Variants in CKM observed in about 807,000 individuals in gnomAD.
CKM encodes creatine kinase M-type.
In CKM, 28 loss-of-function variants were observed where a neutral mutation model predicts 35.4. The observed-to-expected ratio is 0.79, with a 90% CI of 0.59 to 1.08. CKM has a LOEUF of 1.08. Among genes scored for constraint, CKM ranks in the 50% least tolerant of loss-of-function variants. CKM has a pLI of 0.00. For synonymous variants in CKM, 215 were observed against 204.4 expected (o/e 1.05, Z -0.44); for missense variants, 484 against 509.8 (o/e 0.95, Z 0.49).
chr19:45,311,257 ACAGT>A (rs2123134823), intron 5 of CKM, among the ~76,000 whole-genome samples: 2 of 142,680 alleles, frequency 1.4e-5, no homozygotes, highest in South Asian at 4.5e-4. Context: ...TTTTTTTGAG[ACAGT>A]CTGGCTCTGT....
In CKM at chr19:45,306,929, C is replaced by T; in HGVS notation, c.968-1G>A. Reference sequence around the variant, plus strand: ...CCCACGGCAGCTGTGTCCACGCCACCTGTGGGAGCAAGGGACAGGGGCGTG... The same window carrying T: ...CCCACGGCAGCTGTGTCCACGCCACTTGTGGGAGCAAGGGACAGGGGCGTG... On this transcript the variant is annotated splice_acceptor_variant, in intron 7 of 7. Coordinates refer to ENST00000221476, the MANE Select transcript of CKM (RefSeq NM_001824.5). LOFTEE classifies it high-confidence loss of function. This position sits in a 1 kb window ranked among gnomAD's most constrained non-coding sequence, Gnocchi z 4.5. 6.2e-7 allele frequency: 1 copy of T among 1,613,628 alleles called. No individual in the cohort carries two copies. The highest frequency in any genetic ancestry group is 1.1e-5 in the South Asian group (1 of 91,088).
chr19:45,311,107 G>A (rs1440738796), intron 5 of CKM, among the ~76,000 whole-genome samples: 1 of 146,680 alleles, frequency 6.8e-6, no homozygotes, highest in Non-Finnish European at 1.5e-5. Flanking sequence ...TTGTAGCGAC[G>A]TGGTCTCCCT....
At position 45,319,651 on chromosome 19, in the gene CKM, G is replaced by A. The variant is rs138224618; in HGVS notation, c.63C>T (p.Pro21=). The A allele has an allele frequency of 2.5e-3, 3,983 of 1,614,190 alleles. 5 individuals carry two copies. Among genetic ancestry groups the A allele is most frequent in the Non-Finnish European group, 3.2e-3 (3,806 of 1,180,020 alleles). The part of the protein sequence containing the change: ...KLNYKPEEEY[P]DLSKHNNHMA... ...TGTGGTTGTTATGTTTGCTGAGGTC[G>A]GGGTACTCCTCCTCAGGCTTGTAAT... is the stretch of plus-strand genomic sequence containing the variant. The change falls in exon 2 of 8, where the codon CCC becomes CCT. Residue 21 remains proline (P), a synonymous_variant. Coordinates refer to ENST00000221476, the MANE Select transcript of CKM (RefSeq NM_001824.5).
At chr19:45,310,326 T>C (rs960897313) in intron 5 of CKM, among the ~76,000 whole-genome samples, 3 of 152,030 alleles carry the variant, frequency 2.0e-5, no homozygotes, top group Admixed American at 2.0e-4. Context: ...TTCACCATGT[T>C]AGCCAGGATG....
intron 3 of CKM, 68 bp downstream of exon 3, chr19:45,317,756 TC>T: frequency 6.6e-7 from 1 of 1,516,520 alleles, no homozygotes; most frequent in Non-Finnish European, 9.1e-7. Context: ...TTTCTCTGTC[TC>T]CCCCCATTTC....
In CKM at chr19:45,306,557, T is replaced by C. The variant is rs1027992948; in HGVS notation, c.*193A>G. On this transcript the variant is annotated 3_prime_UTR_variant, in exon 8 of 8. Coordinates refer to ENST00000221476, the MANE Select transcript of CKM (RefSeq NM_001824.5). This position sits in a 1 kb window ranked among gnomAD's most constrained non-coding sequence, Gnocchi z 4.5. ...AGGACCCTGCCAGGGAGATATTTCA[T>C]TGGCCAGAATCCAGAGGATGGAGCC... 1.9e-5 allele frequency: 12 copies of C among 621,426 alleles called. No homozygotes were observed. Among genetic ancestry groups the C allele is most frequent in the African/African-American group, 9.2e-5 (5 of 54,454 alleles). The allele number at this position is 621,426 out of a possible 1,614,324, so 38.5% of individuals were successfully genotyped here. A position where few individuals can be genotyped will look rare whatever the true frequency, so the allele number is the denominator to read the frequency against.
At chr19:45,318,855 G>A (rs772335053) in intron 2 of CKM, among the ~76,000 whole-genome samples, 1 of 149,386 alleles carries the variant, frequency 6.7e-6, no homozygotes, top group African/African-American at 2.5e-5. Flanking sequence ...AACATCCCCT[G>A]TCAGATTCTT....
At position 45,317,936 on chromosome 19, in the gene CKM, C is replaced by T; in HGVS notation, c.237G>A (p.Glu79=). 2 of 1,613,966 alleles carry T rather than the reference C, an allele frequency of 1.2e-6. No homozygotes were observed. Among genetic ancestry groups the T allele is most frequent in the Non-Finnish European group, 1.7e-6 (2 of 1,179,960 alleles). The stretch of plus-strand genomic sequence containing the variant: ...GTTCCTTGAAAACTTCGTAGGACTC[C>T]TCATCACCAGCCACGCAGCCCACGG... ...IMTVGCVAGD[E]ESYEVFKELF... The change falls in exon 3 of 8, where the codon GAG becomes GAA. Residue 79 remains glutamate (E), a synonymous_variant. Transcript: ENST00000221476.
At chr19:45,310,759 CTTTTTTTTTTTTTTTTTTTT>C (rs3047558) in intron 5 of CKM, among the ~76,000 whole-genome samples, 1 of 50,264 alleles carries the variant, frequency 2.0e-5, no homozygotes, top group Non-Finnish European at 3.5e-5. Flanking sequence ...TCACGCCTGG[CTTTTTTTTTTTTTTTTTTTT>C]TTTTTTTTTT....
At chr19:45,310,834 G>C (rs1456269115) in intron 5 of CKM, among the ~76,000 whole-genome samples, 1 of 123,718 alleles carries the variant, frequency 8.1e-6, no homozygotes, top group Non-Finnish European at 1.6e-5. Flanking sequence ...GCAGTGGCAC[G>C]ATCTCAGCTC....
At position 45,307,457 on chromosome 19, in the gene CKM, G is replaced by C; in HGVS notation, c.967+4C>G. On this transcript the variant is annotated splice_donor_region_variant and intron_variant, in intron 7 of 7. Coordinates refer to ENST00000221476, the MANE Select transcript of CKM (RefSeq NM_001824.5). ...TCGTGGTGCAAAGGATGTGGGAGCC[G>C]TACCTGTACCCCTCTTCTGCAGACG... The C allele has an allele frequency of 1.9e-6, 3 of 1,613,448 alleles. No individual in the cohort carries two copies. Among genetic ancestry groups the C allele is most frequent in the Non-Finnish European group, 2.5e-6 (3 of 1,179,620 alleles).
intron 5 of CKM, among the ~76,000 whole-genome samples, chr19:45,309,346 G>A (rs1163427307): frequency 6.6e-6 from 1 of 151,352 alleles, no homozygotes; most frequent in African/African-American, 2.4e-5. Flanking sequence ...CTTGAGCCCA[G>A]GAGTTCAAGA....
At chr19:45,314,620 G>A (rs1444292352) in intron 4 of CKM, among the ~76,000 whole-genome samples, 2 of 151,746 alleles carry the variant, frequency 1.3e-5, no homozygotes, top group Non-Finnish European at 2.9e-5. Flanking sequence ...TACCATGTTG[G>A]CCAGGCTGGT....
chr19:45,307,007 A>G, intron 7 of CKM, 79 bp from the exon 8 acceptor site: 1 of 1,436,756 alleles, frequency 7.0e-7, no homozygotes, highest in Non-Finnish European at 9.7e-7. Flanking sequence ...TGCCAAATGC[A>G]ACAGCCGCAT....
chr19:45,307,610 C>A lies in CKM; in HGVS notation c.818G>T (p.Trp273Leu). The stretch of plus-strand genomic sequence containing the variant: ...GAGCACGTAGCCCAGGTGCTGGTTC[C>A]ACATGAAGGGGTGGCCAGCTTTCTT... ...IFKKAGHPFM[W>L]NQHLGYVLTC... Residue 273 changes from tryptophan to leucine, a missense_variant, in exon 7 of 8, where the codon TGG (tryptophan) becomes TTG (leucine). Trp to Leu is a moderately conservative substitution (Grantham distance 61, BLOSUM62 -2). Transcript: ENST00000221476. 1 of 1,614,152 alleles carries A rather than the reference C, an allele frequency of 6.2e-7. No individual in the cohort carries two copies. The highest frequency in any genetic ancestry group is 1.1e-5 in the South Asian group (1 of 91,078).
Position 45,307,482 on chromosome 19 carries a change from G to T in CKM, c.946C>A (p.Arg316Ser), listed in dbSNP as rs1404116414. 6.2e-7 allele frequency: 1 copy of T among 1,613,824 alleles called. No individual in the cohort carries two copies. Among genetic ancestry groups the T allele is most frequent in the Admixed American group, 1.7e-5 (1 of 59,998 alleles). ...PKFEEILTRL[R>S]LQKRGTGGVD... Reference sequence around the variant, plus strand: ...GTACCTGTACCCCTCTTCTGCAGACGCAGGCGGGTGAGGATCTCCTCGAAC... The same window carrying T: ...GTACCTGTACCCCTCTTCTGCAGACTCAGGCGGGTGAGGATCTCCTCGAAC... Residue 316 changes from arginine to serine, a missense_variant, in exon 7 of 8, where the codon CGT (arginine) becomes AGT (serine). By Grantham distance (110) the Arg-to-Ser change is moderately radical. Transcript: ENST00000221476.
chr19:45,319,950 C>T (rs1287096172), intron 1 of CKM, among the ~76,000 whole-genome samples: 3 of 151,664 alleles, frequency 2.0e-5, no homozygotes, highest in African/African-American at 4.8e-5. Context: ...GCCACCACGC[C>T]GGCTCATTTT....
At chr19:45,315,734 GC>G (rs746474806) in intron 3 of CKM, 137 bp from the exon 4 acceptor site, 2 of 1,091,302 alleles carry the variant, frequency 1.8e-6, no homozygotes, top group Non-Finnish European at 2.7e-6. Flanking sequence ...GGTGTGTGGA[GC>G]CTCTCCCCGC....
chr19:45,318,063 C>T, intron 2 of CKM, 84 bp from the exon 3 acceptor site: 1 of 1,235,972 alleles, frequency 8.1e-7, no homozygotes, highest in South Asian at 1.2e-5. Context: ...CCTGTGTGGA[C>T]ATGTGTGTCG....
Sources: gnomAD v4.1 joint callset for allele counts (sites outside exome capture counted in the v4.1 genomes callset) on GRCh38, gnomAD v4.1.1 for gene constraint, Gnocchi (gnomAD v3.1) non-coding constraint, MANE v1.5 for transcripts, NCBI Gene and HGNC (gene_info 2026-07-23, HGNC 2026-07-21) for gene names.